Variants in C2CD3 observed in about 807,000 individuals in gnomAD.
C2CD3 encodes C2 domain-containing protein 3.
A neutral mutation model predicts 234.0 loss-of-function variants in C2CD3; 148 were observed. The observed-to-expected ratio is 0.63, with a 90% CI of 0.55 to 0.72. The LOEUF (loss-of-function observed/expected upper bound fraction) is 0.72, where lower values mean the gene tolerates loss of function less well. Ranked by LOEUF, C2CD3 falls within the 30% of genes least tolerant of loss-of-function variation. C2CD3 has a pLI of 0.00. For synonymous variants in C2CD3, 1,000 were observed against 1,035.4 expected (o/e 0.97, Z 0.66); for missense variants, 2,577 against 2,811.5 (o/e 0.92, Z 1.89).
chr11:74,051,129 AC>A lies in C2CD3; in HGVS notation c.5156-1588del, dbSNP rs1270532952. The stretch of plus-strand genomic sequence containing the variant: ...TAACATGACCCCATCTCTAAAAAAA[AC>A]AAAACAAAACAAAAAATTTGTGGGG... On this transcript the variant is annotated intron_variant, in intron 26 of 32. Transcript: ENST00000334126. Among the ~76,000 whole-genome samples the A allele has an allele frequency of 4.6e-5, 7 of 151,148 alleles. 1 individual carries two copies. The highest frequency in any genetic ancestry group is 1.5e-4 in the African/African-American group (6 of 40,590).
In C2CD3 at chr11:74,025,706, G is replaced by A. The variant is rs192236861; in HGVS notation, c.6921+2581C>T. On this transcript the variant is annotated intron_variant, in intron 32 of 32. Transcript: ENST00000334126. ...TGTATCCACTATACTGTGGGAGTAG[G>A]GAGGATACGAGGGCTGGAGGGAAAG... is the stretch of plus-strand genomic sequence containing the variant. Among the ~76,000 whole-genome samples the A allele has an allele frequency of 3.9e-5, 6 of 152,196 alleles. No homozygotes were observed. The East Asian group carries it at 1.2e-3, about 29-fold the overall frequency.
intron 20 of C2CD3, among the ~76,000 whole-genome samples, chr11:74,089,875 C>T (rs1955809239): frequency 6.6e-6 from 1 of 152,108 alleles, no homozygotes; most frequent in African/African-American, 2.4e-5. Context: ...TAAAGAGAGA[C>T]TGTAAAGATG....
In C2CD3 at chr11:74,134,976, C is replaced by T. The variant is rs189383895; in HGVS notation, c.956-1419G>A. Among the ~76,000 whole-genome samples the T allele has an allele frequency of 3.3e-3, 497 of 152,176 alleles. 3 individuals carry two copies. The Middle Eastern group carries it at 0.034, about 10-fold the overall frequency. On this transcript the variant is annotated intron_variant, in intron 5 of 32. Coordinates refer to ENST00000334126, the MANE Select transcript of C2CD3 (RefSeq NM_001286577.2). ...TTGGCCTCAAGCTATCTTCCTGCCC[C>T]GGCCTCCCAAAGTCCATAAACATCA...
rs775375446 is a variant in C2CD3 at position 74,078,390 on chromosome 11, T to A, written c.4328A>T (p.Asp1443Val). 6 of 1,614,060 alleles carry A rather than the reference T, an allele frequency of 3.7e-6. No individual in the cohort carries two copies. The African/African-American group carries it at 8.0e-5, about 22-fold the overall frequency. ...GAGAGGGGTCCAAAAGGCTTCATGATCATAGAACTTGTAGCGAAGGTAGCA... is the reference window on the plus strand; with the variant it reads ...GAGAGGGGTCCAAAAGGCTTCATGAACATAGAACTTGTAGCGAAGGTAGCA... Reference protein sequence around the residue: ...TYCYLRYKFYDHEAFWTPLKK... With the variant: ...TYCYLRYKFYVHEAFWTPLKK... The change falls in exon 23 of 33, where the codon GAT (aspartate) becomes GTT (valine). Residue 1443 changes from aspartate to valine, a missense_variant. By Grantham distance (152) the Asp-to-Val change is radical. Coordinates refer to ENST00000334126, the MANE Select transcript of C2CD3 (RefSeq NM_001286577.2).
chr11:74,127,355 G>C (rs1957446313), intron 7 of C2CD3, among the ~76,000 whole-genome samples: 1 of 152,164 alleles, frequency 6.6e-6, no homozygotes, highest in African/African-American at 2.4e-5. Context: ...GTAGCATGTA[G>C]CAGTACTTCA....
rs1297881853 is a variant in C2CD3 at position 74,132,898 on chromosome 11, A to C, written c.1163T>G (p.Phe388Cys). 7 of 1,613,936 alleles carry C rather than the reference A, an allele frequency of 4.3e-6. No individual in the cohort carries two copies. The South Asian group carries it at 5.5e-5, about 13-fold the overall frequency. The change falls in exon 7 of 33, where the codon TTT becomes TGT. Residue 388 changes from phenylalanine (F) to cysteine (C), a missense_variant. By Grantham distance (205) the Phe-to-Cys change is radical. Coordinates refer to ENST00000334126, the MANE Select transcript of C2CD3 (RefSeq NM_001286577.2). ...DHLLPSTENT[F>C]WRHDTKADTR... ...ATCAGCTTTTGTGTCATGTCTCCAA[A>C]ATGTATTCTCAGTTGAAGGGAGGAG...
chr11:74,099,940 T>C (rs994715881), intron 15 of C2CD3, among the ~76,000 whole-genome samples: 7 of 151,664 alleles, frequency 4.6e-5, no homozygotes, highest in African/African-American at 1.5e-4. Flanking sequence ...ACAGTTTGTA[T>C]TGAGGAATGA....
intron 15 of C2CD3, 93 bp downstream of exon 15, chr11:74,100,432 G>A (rs1305831335): frequency 8.5e-7 from 1 of 1,170,204 alleles, no homozygotes; most frequent in Non-Finnish European, 1.2e-6. Context: ...GGGATTACTG[G>A]GCTATTCATG....
intron 3 of C2CD3, among the ~76,000 whole-genome samples, chr11:74,152,710 G>A (rs1226127115): frequency 6.6e-6 from 1 of 152,114 alleles, no homozygotes; most frequent in African/African-American, 2.4e-5. Flanking sequence ...AAGACTGATG[G>A]TCTGGTTTTG....
rs372079963 is a variant in C2CD3 at position 74,084,825 on chromosome 11, G to C, written c.4000+56C>G. ...TGAGAGACAGAGAAGATTACCTCTT[G>C]TAGGGAAGTGAAAGGGAAAGGGTGG... On this transcript the variant is annotated intron_variant, in intron 22 of 32. Transcript: ENST00000334126. 3.9e-6 allele frequency: 4 copies of C among 1,015,654 alleles called. No homozygotes were observed. The African/African-American group carries it at 4.7e-5, about 12-fold the overall frequency. 62.9% of individuals were successfully genotyped at this position (1,015,654 alleles called of 1,614,324 possible).
intron 1 of C2CD3, among the ~76,000 whole-genome samples, chr11:74,169,547 C>T (rs1429261411): frequency 2.0e-5 from 3 of 151,984 alleles, no homozygotes; most frequent in East Asian, 3.9e-4. Flanking sequence ...ATGCAAACAC[C>T]GCCTCTGCCC....
intron 1 of C2CD3, among the ~76,000 whole-genome samples, chr11:74,169,277 T>C (rs1856999604): frequency 6.6e-6 from 1 of 152,232 alleles, no homozygotes; most frequent in African/African-American, 2.4e-5. Flanking sequence ...TTATTGGCTT[T>C]AGTATTTATT....
chr11:74,028,316 T>G lies in C2CD3; in HGVS notation c.6892A>C (p.Thr2298Pro). ...TCTGTTGTGGCTGCTGGTGGCAAAG[T>G]TGCTGAGAGTGAAAGCATCCGCAGG... is the stretch of plus-strand genomic sequence containing the variant. ...ASLRMLSLSA[T>P]LPPAATTDQD... The change falls in exon 32 of 33, where the codon ACT (threonine) becomes CCT (proline). Residue 2298 changes from threonine (T) to proline (P), a missense_variant. By Grantham distance (38) the Thr-to-Pro change is conservative. Coordinates refer to ENST00000334126, the MANE Select transcript of C2CD3 (RefSeq NM_001286577.2). 6.5e-7 allele frequency: 1 copy of G among 1,536,034 alleles called. No individual in the cohort carries two copies. Among genetic ancestry groups the G allele is most frequent in the Non-Finnish European group, 8.7e-7 (1 of 1,146,844 alleles).
At chr11:74,047,956 T>C (rs1422559327) in intron 28 of C2CD3, among the ~76,000 whole-genome samples, 2 of 152,206 alleles carry the variant, frequency 1.3e-5, no homozygotes, top group South Asian at 2.1e-4. Context: ...TAAAGGCCTT[T>C]GAGGATAACA....
chr11:74,036,351 C>A (rs1483602492), intron 30 of C2CD3: 1 of 433,862 alleles, frequency 2.3e-6, no homozygotes, highest in East Asian at 7.0e-5. Flanking sequence ...ACCACTGTAT[C>A]TTCCTGGGAC....
intron 2 of C2CD3, among the ~76,000 whole-genome samples, chr11:74,165,500 T>G (rs924603930): frequency 2.6e-5 from 4 of 152,230 alleles, no homozygotes; most frequent in African/African-American, 9.6e-5. Flanking sequence ...GCATTTTGTA[T>G]TAAGTGAAAT....
intron 28 of C2CD3, among the ~76,000 whole-genome samples, chr11:74,046,769 T>C (rs1006282395): frequency 6.6e-6 from 1 of 152,236 alleles, no homozygotes; most frequent in Non-Finnish European, 1.5e-5. Flanking sequence ...AATTTTGTTA[T>C]TTGTTCACCT....
In C2CD3 at chr11:74,069,493, A is replaced by T. The variant is rs548713422; in HGVS notation, c.4951+4760T>A. On this transcript the variant is annotated intron_variant, in intron 24 of 32. Coordinates refer to ENST00000334126, the MANE Select transcript of C2CD3 (RefSeq NM_001286577.2). The stretch of plus-strand genomic sequence containing the variant: ...AGTGAGATTAAAATAACAACTTCTC[A>T]TATTTAGATAATGCGTTACAGCTTG... Among the ~76,000 whole-genome samples the T allele has an allele frequency of 1.3e-5, 2 of 152,368 alleles. 1 individual carries two copies. Among genetic ancestry groups the T allele is most frequent in the South Asian group, 4.1e-4 (2 of 4,830 alleles).
chr11:74,086,474 A>G (rs1955647268), intron 20 of C2CD3, among the ~76,000 whole-genome samples: 1 of 152,146 alleles, frequency 6.6e-6, no homozygotes. Flanking sequence ...TGCATAAGTG[A>G]CCTCGTTTTG....
Sources: allele counts gnomAD v4.1 joint callset (sites outside exome capture counted in the v4.1 genomes callset), GRCh38; gene constraint gnomAD v4.1.1; transcripts MANE v1.5; gene names NCBI Gene and HGNC (gene_info 2026-07-23, HGNC 2026-07-21).